Variants in SCRIB observed in about 807,000 individuals in gnomAD.
SCRIB encodes the protein protein scribble homolog.
Under a neutral mutation model 170.0 loss-of-function variants are expected in SCRIB, and 72 were observed. The ratio of observed to expected loss-of-function variants is 0.42; its 90% CI spans 0.35 to 0.52. SCRIB has a LOEUF of 0.52. Among genes scored for constraint, SCRIB ranks in the 20% least tolerant of loss-of-function variants. The pLI is 0.02. For synonymous variants in SCRIB, 1,298 were observed against 1,044.3 expected (o/e 1.24, Z -4.68); for missense variants, 2,475 against 2,338.5 (o/e 1.06, Z -1.20).
chr8:143,792,067 C>T lies in SCRIB; in HGVS notation c.4581G>A (p.Arg1527=). 6.3e-7 allele frequency: 1 copy of T among 1,593,912 alleles called. No homozygotes were observed. The highest frequency in any genetic ancestry group is 8.5e-7 in the Non-Finnish European group (1 of 1,175,572). ...GTCGCTCCAGGGGCCCCCGCGTGCC[C>T]CGGCCTTCCTGGGACCTGCTGAGGA... ...QMVLSRSQEG[R]GTRGPLERLA... The change falls in exon 33 of 37, where the codon CGG becomes CGA. Residue 1527 remains arginine (R), a synonymous_variant. Transcript: ENST00000356994.
chr8:143,810,636 C>G (rs764381902), intron 12 of SCRIB, 32 bp from the exon 13 acceptor site: 4 of 1,607,720 alleles, frequency 2.5e-6, no homozygotes, highest in East Asian at 2.2e-5. Context: ...GCAGCAGCCA[C>G]AGGGCAGGGG....
chr8:143,808,686 T>TTTCCTCCTCCTCCTCTTC lies in SCRIB; in HGVS notation c.2020_2037dup (p.Glu674_Glu679dup). Reference sequence around the variant, plus strand: ...CTGGCCTCTTCCTCTTCAGCCCTGTTTTCCTCCTCCTCCTCTTCCTCCTCC... The same window carrying TTTCCTCCTCCTCCTCTTC: ...CTGGCCTCTTCCTCTTCAGCCCTGTTTTCCTCCTCCTCCTCTTCTTCCTCCTCCTCCTCTTCCTCCTCC... On this transcript the variant is annotated inframe_insertion, in exon 15 of 37. Coordinates refer to ENST00000356994, the MANE Select transcript of SCRIB (RefSeq NM_182706.5). 6.5e-7 allele frequency: 1 copy of TTTCCTCCTCCTCCTCTTC among 1,546,226 alleles called. No individual in the cohort carries two copies. Among genetic ancestry groups the TTTCCTCCTCCTCCTCTTC allele is most frequent in the South Asian group, 1.3e-5 (1 of 78,436 alleles).
At chr8:143,808,483 G>T in intron 15 of SCRIB, 126 bp downstream of exon 15, 2 of 1,174,424 alleles carry the variant, frequency 1.7e-6, no homozygotes, top group Non-Finnish European at 2.3e-6. Context: ...GAGCACACGT[G>T]TCCACCACCT....
At chr8:143,791,515 A>G in intron 35 of SCRIB, 75 bp from the exon 36 acceptor site, 10 of 1,592,582 alleles carry the variant, frequency 6.3e-6, no homozygotes, top group Non-Finnish European at 8.6e-6. Context: ...GTGGGCTCCC[A>G]GCCCTGAGGC....
At chr8:143,803,251 T>TGCAGAGCC (rs1815247988) in intron 24 of SCRIB, 132 bp downstream of exon 24, 1 of 858,254 alleles carries the variant, frequency 1.2e-6, no homozygotes, top group Admixed American at 3.1e-5. Context: ...GCACGGCTGA[T>TGCAGAGCC]GCAGAGCCGC....
At chr8:143,805,709 G>C (rs535702860) in intron 18 of SCRIB, among the ~76,000 whole-genome samples, 1 of 152,334 alleles carries the variant, frequency 6.6e-6, no homozygotes, top group East Asian at 1.9e-4. Context: ...CCCACGGCCA[G>C]GCCACACATG....
At chr8:143,809,854 T>C in intron 13 of SCRIB, 136 bp from the exon 14 acceptor site, 1 of 976,900 alleles carries the variant, frequency 1.0e-6, no homozygotes, top group Non-Finnish European at 1.5e-6. Context: ...GCTCACGCCC[T>C]CGCAGCTGCT....
In SCRIB at chr8:143,813,547, T is replaced by C; in HGVS notation, c.447-21A>G. 3 of 1,613,154 alleles carry C rather than the reference T, an allele frequency of 1.9e-6. No homozygotes were observed. In the East Asian group the frequency reaches 6.7e-5, roughly 36 times the overall value. On this transcript the variant is annotated intron_variant, in intron 4 of 36. Coordinates refer to ENST00000356994, the MANE Select transcript of SCRIB (RefSeq NM_182706.5). ...CGAGGCTGAAAGAGAGACCAGGCGC[T>C]GGGGCAAGAGGAAGGAAAGCAGTGG...
Position 143,791,321 on chromosome 8 carries a change from G to A in SCRIB, c.4823-13C>T. ...TCCTCCTGCGGGCCTGGAGGGCAGG[G>A]ACAGGTGGGCAGTGAGCTGAGGGCA... On this transcript the variant is annotated splice_polypyrimidine_tract_variant and intron_variant, in intron 36 of 36. Transcript: ENST00000356994. The A allele has an allele frequency of 1.3e-6, 2 of 1,582,526 alleles. No individual in the cohort carries two copies. Among genetic ancestry groups the A allele is most frequent in the Non-Finnish European group, 1.7e-6 (2 of 1,164,128 alleles).
In SCRIB at chr8:143,795,345, G is replaced by A; in HGVS notation, c.3715-12C>T. ...GGCAGCTCCTTCTCCTGTGAGCAGA[G>A]CAGAGCAGACCCGTCAGGCACCACC... On this transcript the variant is annotated splice_polypyrimidine_tract_variant and intron_variant, in intron 25 of 36. Coordinates refer to ENST00000356994, the MANE Select transcript of SCRIB (RefSeq NM_182706.5). 6.2e-7 allele frequency: 1 copy of A among 1,612,870 alleles called. No individual in the cohort carries two copies. Among genetic ancestry groups the A allele is most frequent in the Non-Finnish European group, 8.5e-7 (1 of 1,179,750 alleles).
At chr8:143,793,691 C>T (rs1554633510) in intron 28 of SCRIB, 1 of 538,472 alleles carries the variant, frequency 1.9e-6, no homozygotes, top group African/African-American at 1.9e-5. Context: ...TCAGGCCCCC[C>T]ACCCCATCGC....
chr8:143,812,647 C>T (rs1464955490), intron 8 of SCRIB, among the ~76,000 whole-genome samples, 170 bp downstream of exon 8: 2 of 152,196 alleles, frequency 1.3e-5, no homozygotes, highest in Non-Finnish European at 2.9e-5. Flanking sequence ...CCTCCTCAGC[C>T]TTCTGGGCTG....
intron 24 of SCRIB, among the ~76,000 whole-genome samples, chr8:143,800,482 CA>C (rs1350486028): frequency 1.3e-5 from 2 of 152,172 alleles, no homozygotes; most frequent in Non-Finnish European, 2.9e-5. Flanking sequence ...AGGCTTCTGC[CA>C]GGGGGTGAAG....
chr8:143,800,790 C>A (rs537539813), intron 24 of SCRIB, among the ~76,000 whole-genome samples: 7 of 152,348 alleles, frequency 4.6e-5, no homozygotes, highest in Admixed American at 4.6e-4. Context: ...GTGGGAGGAT[C>A]GCTTGAGCCC....
In SCRIB at chr8:143,809,789, C is replaced by A. The variant is rs575057956; in HGVS notation, c.1531-71G>T. The A allele has an allele frequency of 5.6e-4, 870 of 1,549,744 alleles. 2 individuals carry two copies. The highest frequency in any genetic ancestry group is 6.9e-4 in the Non-Finnish European group (793 of 1,143,372). On this transcript the variant is annotated intron_variant, in intron 13 of 36. Coordinates refer to ENST00000356994, the MANE Select transcript of SCRIB (RefSeq NM_182706.5). ...CAGGCTGGCCACCTGGGATGCCCCC[C>A]ACGTGGCAGGCCTTCCCTGAGCTTC...
intron 1 of SCRIB, 21 bp downstream of exon 1, chr8:143,815,193 C>G (rs1028517916): frequency 4.5e-6 from 7 of 1,550,424 alleles, no homozygotes; most frequent in Non-Finnish European, 6.1e-6. Flanking sequence ...CTTTGGGCGG[C>G]AGGTGCGGGC....
intron 11 of SCRIB, 22 bp downstream of exon 11, chr8:143,810,884 G>A (rs781218298): frequency 5.0e-6 from 8 of 1,610,126 alleles, no homozygotes; most frequent in Non-Finnish European, 6.8e-6. Context: ...CCCGCGCTAA[G>A]CACCGGTTGC....
chr8:143,792,508 C>G lies in SCRIB; in HGVS notation c.4305G>C (p.Trp1435Cys). 1.3e-6 allele frequency: 2 copies of G among 1,553,432 alleles called. No homozygotes were observed. Among genetic ancestry groups the G allele is most frequent in the Admixed American group, 1.9e-5 (1 of 53,182 alleles). ...EEEQEDEQPP[W>C]ASPSPTSRQS... ...ACCTTGAGGTGGGGCTCGGGCTGGC[C>G]CAGGGTGGCTGCTCATCCTCCTGTT... The change falls in exon 31 of 37, where the codon TGG becomes TGC. Residue 1435 changes from tryptophan (W) to cysteine (C), a missense_variant. Around this residue, in one of 3 missense-constraint regions of SCRIB, gnomAD observed 1,966 missense variants for 1,742.9 expected, o/e 1.13. Coordinates refer to ENST00000356994, the MANE Select transcript of SCRIB (RefSeq NM_182706.5).
At chr8:143,800,858 A>C (rs906414964) in intron 24 of SCRIB, among the ~76,000 whole-genome samples, 16 of 152,172 alleles carry the variant, frequency 1.1e-4, no homozygotes, top group African/African-American at 3.9e-4. Flanking sequence ...TGGGCGACAG[A>C]GCGAGACCCT....
Sources: gnomAD v4.1 joint callset for allele counts (sites outside exome capture counted in the v4.1 genomes callset) on GRCh38, gnomAD v4.1.1 for gene constraint, gnomAD v4.1.1 regional missense constraint, MANE v1.5 for transcripts, NCBI Gene and HGNC (gene_info 2026-07-23, HGNC 2026-07-21) for gene names.